Variants in DYNC2H1 observed in about 807,000 individuals in gnomAD.
DYNC2H1 encodes the protein cytoplasmic dynein 2 heavy chain 1.
Under a neutral mutation model 570.0 loss-of-function variants are expected in DYNC2H1, and 410 were observed. The ratio of observed to expected loss-of-function variants is 0.72; its 90% CI spans 0.66 to 0.78. The LOEUF is 0.78. DYNC2H1 is among the 30% of genes least tolerant of loss of function. The probability of loss-of-function intolerance (pLI) is 0.00; values close to 1 mark genes in which losing one functional copy is unlikely to be tolerated. For synonymous variants in DYNC2H1, 1,688 were observed against 1,677.6 expected, an observed-to-expected ratio of 1.01 and a Z score of -0.15; for missense variants, 4,865 against 5,046.4, an observed-to-expected ratio of 0.96 and a Z score of 1.09.
chr11:103,451,731 C>T (rs1173903109), intron 85 of DYNC2H1, among the ~76,000 whole-genome samples: 6 of 152,078 alleles, frequency 3.9e-5, no homozygotes, highest in Non-Finnish European at 7.4e-5. Flanking sequence ...TGTTGCAACC[C>T]TTAGCAACAT....
chr11:103,271,957 G>A (rs569433918), intron 70 of DYNC2H1, among the ~76,000 whole-genome samples: 137 of 152,238 alleles, frequency 9.0e-4, no homozygotes, highest in Non-Finnish European at 1.7e-3. Context: ...AAATAGGAAT[G>A]CTTTTACACT....
chr11:103,114,517 G>C (rs942449928), intron 3 of DYNC2H1, among the ~76,000 whole-genome samples: 1 of 152,182 alleles, frequency 6.6e-6, no homozygotes, highest in Non-Finnish European at 1.5e-5. Flanking sequence ...ATGGGGTCTT[G>C]CTGTATTGCC....
Position 103,235,728 on chromosome 11 carries a change from T to C in DYNC2H1, c.9624T>C (p.Ala3208=), listed in dbSNP as rs201247414. 6 of 1,611,552 alleles carry C rather than the reference T, an allele frequency of 3.7e-6. No homozygotes were observed. Among genetic ancestry groups the C allele is most frequent in the African/African-American group, 1.3e-5 (1 of 74,848 alleles). The change falls in exon 62 of 89, where the codon GCT becomes GCC. Residue 3208 remains alanine (A), a synonymous_variant. Transcript: ENST00000375735. ...ATLPKRAQLA[A]AFITYLSAAP... Reference sequence around the variant, plus strand: ...TTCCTAAAAGAGCTCAACTTGCTGCTGCATTTATTACATATCTTTCTGCTG... The same window carrying C: ...TTCCTAAAAGAGCTCAACTTGCTGCCGCATTTATTACATATCTTTCTGCTG...
intron 1 of DYNC2H1, among the ~76,000 whole-genome samples, chr11:103,110,172 G>A (rs1402254555): frequency 3.3e-5 from 5 of 151,916 alleles, no homozygotes; most frequent in Non-Finnish European, 5.9e-5. Context: ...GGCGCGCGCC[G>A]CCACGCCTGG....
intron 81 of DYNC2H1, among the ~76,000 whole-genome samples, chr11:103,321,493 A>G (rs1314446023): frequency 6.6e-6 from 1 of 152,162 alleles, no homozygotes; most frequent in South Asian, 2.1e-4. Flanking sequence ...GGAGTGGCCA[A>G]AGAAAATTCA....
intron 87 of DYNC2H1, among the ~76,000 whole-genome samples, chr11:103,458,800 A>G (rs1226347122): frequency 2.6e-5 from 4 of 151,908 alleles, no homozygotes; most frequent in African/African-American, 4.8e-5. Flanking sequence ...CCCCTCTTAC[A>G]CTATCATTCC....
chr11:103,322,880 AT>A (rs1938285979), intron 81 of DYNC2H1, among the ~76,000 whole-genome samples: 1 of 152,214 alleles, frequency 6.6e-6, no homozygotes, highest in Admixed American at 6.5e-5. Flanking sequence ...GTACATATAC[AT>A]TTATACGTAT....
At chr11:103,291,951 G>C (rs546745344) in intron 75 of DYNC2H1, among the ~76,000 whole-genome samples, 1 of 151,910 alleles carries the variant, frequency 6.6e-6, no homozygotes, top group African/African-American at 2.4e-5. Context: ...GTCTTTATAT[G>C]TGAACTGAGT....
At chr11:103,442,929 T>G (rs533877222) in intron 85 of DYNC2H1, among the ~76,000 whole-genome samples, 2 of 151,590 alleles carry the variant, frequency 1.3e-5, no homozygotes, top group South Asian at 4.2e-4. Context: ...TACCCTTACT[T>G]GCAAAATATC....
At chr11:103,164,706 C>T (rs922692376) in intron 30 of DYNC2H1, among the ~76,000 whole-genome samples, 1 of 152,166 alleles carries the variant, frequency 6.6e-6, no homozygotes, top group African/African-American at 2.4e-5. Context: ...GCAGAGCACA[C>T]TTAATTGTCA....
chr11:103,351,450 G>A (rs1940049665), intron 82 of DYNC2H1, among the ~76,000 whole-genome samples: 1 of 152,158 alleles, frequency 6.6e-6, no homozygotes. Context: ...CATTGCAAAG[G>A]ATGTGATTGC....
rs1381124520 is a variant in DYNC2H1 at position 103,249,283 on chromosome 11, A to G, written c.10042+3909A>G. Among the ~76,000 whole-genome samples the G allele has an allele frequency of 2.0e-5, 3 of 152,082 alleles. No homozygotes were observed. The highest frequency in any genetic ancestry group is 1.3e-4 in the Admixed American group (2 of 15,248). Reference sequence around the variant, plus strand: ...CATGGGTTGTAAAGTCAAATGATACAGAAGTGCAGCAGCATTCTGTTCCTC... The same window carrying G: ...CATGGGTTGTAAAGTCAAATGATACGGAAGTGCAGCAGCATTCTGTTCCTC... On this transcript the variant is annotated intron_variant, in intron 65 of 88. Transcript: ENST00000375735. This position sits in a 1 kb window ranked among gnomAD's most constrained non-coding sequence, Gnocchi z 4.6.
chr11:103,222,951 C>A lies in DYNC2H1; in HGVS notation c.9232-14C>A. The A allele has an allele frequency of 1.2e-6, 2 of 1,612,198 alleles. No homozygotes were observed. The highest frequency in any genetic ancestry group is 2.2e-5 in the South Asian group (2 of 90,726). On this transcript the variant is annotated splice_polypyrimidine_tract_variant and intron_variant, in intron 58 of 88. Coordinates refer to ENST00000375735, the MANE Select transcript of DYNC2H1 (RefSeq NM_001377.3). ...TAAGTAAGGATGTTGAATCACTTCT[C>A]ATGGATTTTTCAGAATGCTAAGCGT... is the stretch of plus-strand genomic sequence containing the variant.
chr11:103,191,534 A>T lies in DYNC2H1; in HGVS notation c.7455A>T (p.Thr2485=). 6.2e-7 allele frequency: 1 copy of T among 1,606,994 alleles called. No individual in the cohort carries two copies. The highest frequency in any genetic ancestry group is 8.5e-7 in the Non-Finnish European group (1 of 1,176,220). ...TTTTTCAGGTGCGAGCCAAATTTAC[A>T]GTTGATGATTATAGTCACTATTTCT... ...QVYEQVRAKF[T]VDDYSHYFFT... Residue 2485 remains threonine, a synonymous_variant, in exon 46 of 89, where the codon ACA becomes ACT. Transcript: ENST00000375735.
chr11:103,287,630 T>A (rs1866402726), intron 75 of DYNC2H1, 25 bp downstream of exon 75: 1 of 1,574,218 alleles, frequency 6.4e-7, no homozygotes, highest in African/African-American at 1.4e-5. Context: ...TTTCAAGAAC[T>A]AGACCACTGA....
chr11:103,200,637 G>A (rs1236828868), intron 50 of DYNC2H1, among the ~76,000 whole-genome samples: 3 of 152,160 alleles, frequency 2.0e-5, no homozygotes, highest in South Asian at 2.1e-4. Flanking sequence ...ATAATAGTAT[G>A]GCCTTAGTAT....
At chr11:103,155,638 C>A in intron 25 of DYNC2H1, 137 bp downstream of exon 25, 1 of 839,802 alleles carries the variant, frequency 1.2e-6, no homozygotes, top group South Asian at 2.5e-5. Context: ...AAACACAAAT[C>A]ATTTTACATA....
chr11:103,478,946 A>T, intron 88 of DYNC2H1, 149 bp from the exon 89 acceptor site: 1 of 911,630 alleles, frequency 1.1e-6, no homozygotes, highest in East Asian at 2.7e-5. Flanking sequence ...CATGTGTTTC[A>T]TTTTGTTGCA....
At chr11:103,168,717 C>T in intron 31 of DYNC2H1, 38 bp from the exon 32 acceptor site, 1 of 1,587,018 alleles carries the variant, frequency 6.3e-7, no homozygotes, top group Non-Finnish European at 8.6e-7. Flanking sequence ...CACAGGCTAA[C>T]ATTTTCTCCA....
Sources: gnomAD v4.1 joint callset for allele counts (sites outside exome capture counted in the v4.1 genomes callset) on GRCh38, gnomAD v4.1.1 for gene constraint, Gnocchi (gnomAD v3.1) non-coding constraint, MANE v1.5 for transcripts, NCBI Gene and HGNC (gene_info 2026-07-23, HGNC 2026-07-21) for gene names.